DPM1: variants seen among roughly 807,000 people sequenced by gnomAD.
DPM1 encodes dolichyl-phosphate mannosyltransferase subunit 1, catalytic.
In DPM1, 27 loss-of-function variants were observed where a neutral mutation model predicts 39.0. The ratio of observed to expected loss-of-function variants is 0.69; its 90% CI spans 0.51 to 0.95. The LOEUF (loss-of-function observed/expected upper bound fraction) is 0.95, where lower values mean the gene tolerates loss of function less well. Ranked by LOEUF, DPM1 falls within the 40% of genes least tolerant of loss-of-function variation. The pLI, the probability that DPM1 is intolerant of heterozygous loss-of-function variation, is 0.00. For synonymous variants in DPM1, 124 were observed against 109.0 expected (o/e 1.14, Z -0.86); for missense variants, 307 against 315.6 (o/e 0.97, Z 0.21).
rs1488509110 is a variant in DPM1, at chr20:50,958,407, G to A, written c.117C>T (p.Asn39=). The change falls in exon 1 of 9, where the codon AAC becomes AAT. Residue 39 remains asparagine (N), a synonymous_variant. Coordinates refer to ENST00000371588, the MANE Select transcript of DPM1 (RefSeq NM_003859.3). The part of the protein sequence containing the change: ...VLLPTYNERE[N]LPLIVWLLVK... ...CCAGCAGCCACACGATGAGCGGCAG[G>A]TTCTCGCGCTCGTTGTAGGTAGGTA... 4.3e-6 allele frequency: 7 copies of A among 1,613,946 alleles called. No individual in the cohort carries two copies. In the East Asian group the frequency reaches 1.6e-4, roughly 36 times the overall value.
At chr20:50,949,151 G>A (rs918898094) in intron 2 of DPM1, among the ~76,000 whole-genome samples, 6 of 152,120 alleles carry the variant, frequency 3.9e-5, no homozygotes, top group Non-Finnish European at 7.3e-5. Context: ...GAGTCACCGC[G>A]CCCGTCCAGC....
intron 1 of DPM1, among the ~76,000 whole-genome samples, chr20:50,956,673 C>T (rs1458181403): frequency 6.6e-6 from 1 of 152,192 alleles, no homozygotes; most frequent in African/African-American, 2.4e-5. Flanking sequence ...ATCTATTCTC[C>T]AAGAGTAGAA....
rs771147863 is a variant in DPM1 at position 50,936,140 on chromosome 20, T to C, written c.678+8A>G. 33 of 1,590,598 alleles carry C rather than the reference T, an allele frequency of 2.1e-5. No homozygotes were observed. The highest frequency in any genetic ancestry group is 2.0e-4 in the East Asian group (9 of 44,718). ...AACATGACACACTATTTAGCATCAG[T>C]TGCATACCTCGCCAATAGTATAATT... On this transcript the variant is annotated splice_region_variant and intron_variant, in intron 8 of 8. Transcript: ENST00000371588.
At chr20:50,951,415 T>G (rs1237328275) in intron 2 of DPM1, among the ~76,000 whole-genome samples, 1 of 152,188 alleles carries the variant, frequency 6.6e-6, no homozygotes. Context: ...CAAATGCACA[T>G]ACACACATAT....
intron 2 of DPM1, among the ~76,000 whole-genome samples, chr20:50,952,876 A>AG (rs1340925018): frequency 6.6e-6 from 1 of 152,238 alleles, no homozygotes; most frequent in Non-Finnish European, 1.5e-5. Flanking sequence ...TCTACCACAC[A>AG]GCACGGTGAC....
upstream of DPM1, chr20:50,958,542 G>A (rs538785307): frequency 5.0e-6 from 8 of 1,613,074 alleles, no homozygotes; most frequent in Admixed American, 3.3e-5. Context: ...TGAGCCAGAT[G>A]CCGGAAGCGG....
chr20:50,957,603 C>T (rs1176780095), intron 1 of DPM1, among the ~76,000 whole-genome samples: 2 of 152,150 alleles, frequency 1.3e-5, no homozygotes, highest in Non-Finnish European at 2.9e-5. Context: ...ATTGCCATGA[C>T]CTGATTAAAT....
chr20:50,953,236 C>T (rs1197796591), intron 2 of DPM1, among the ~76,000 whole-genome samples: 2 of 152,060 alleles, frequency 1.3e-5, no homozygotes, highest in South Asian at 4.2e-4. Flanking sequence ...AGTAAGTGCC[C>T]CCAATTTCTC....
rs1447659379 is a variant in DPM1 at position 50,935,185 on chromosome 20, T to C, written c.730A>G (p.Asn244Asp). Residue 244 changes from asparagine (N) to aspartate (D), a missense_variant, in exon 9 of 9, where the codon AAT (asparagine) becomes GAT (aspartate). Coordinates refer to ENST00000371588, the MANE Select transcript of DPM1 (RefSeq NM_003859.3). ...CCTTTCAAGAAAGATACTATTTCAT[T>C]TCCTCCCAACTTGGATTCACCATAA... is the stretch of plus-strand genomic sequence containing the variant. ...RVYGESKLGGNEIVSFLKGLL... is the reference protein window; with the variant it reads ...RVYGESKLGGDEIVSFLKGLL... 1 of 1,611,338 alleles carries C rather than the reference T, an allele frequency of 6.2e-7. No individual in the cohort carries two copies. Among genetic ancestry groups the C allele is most frequent in the Non-Finnish European group, 8.5e-7 (1 of 1,177,844 alleles).
chr20:50,943,666 C>A (rs753327285), intron 5 of DPM1, among the ~76,000 whole-genome samples: 1 of 148,614 alleles, frequency 6.7e-6, no homozygotes, highest in Non-Finnish European at 1.5e-5. Context: ...CCACAATAAA[C>A]GTTTTTATAA....
At chr20:50,940,969 T>TA in intron 6 of DPM1, 36 bp from the exon 7 acceptor site, 1 of 1,597,264 alleles carries the variant, frequency 6.3e-7, no homozygotes, top group Non-Finnish European at 8.6e-7. Flanking sequence ...CTTTACAAAA[T>TA]ACAATTTATA....
In DPM1 at chr20:50,945,882, A is replaced by T. The variant is rs2123115865; in HGVS notation, c.337T>A (p.Tyr113Asn). Residue 113 changes from tyrosine to asparagine, a missense_variant, in exon 4 of 9, where the codon TAC (tyrosine) becomes AAC (asparagine). Physicochemically the swap from Tyr to Asn is moderately radical, Grantham distance 143. Coordinates refer to ENST00000371588, the MANE Select transcript of DPM1 (RefSeq NM_003859.3). ...AGATCAGCATCCATAATAATGATGT[A>T]GTTTCCTGTGGCATGTTTCATTCCA... ...IHGMKHATGN[Y>N]IIIMDADLSH... 1 of 1,613,672 alleles carries T rather than the reference A, an allele frequency of 6.2e-7. No individual in the cohort carries two copies.
intron 5 of DPM1, among the ~76,000 whole-genome samples, chr20:50,943,392 GCT>G (rs1436757830): frequency 2.0e-5 from 3 of 151,160 alleles, no homozygotes; most frequent in African/African-American, 4.9e-5. Context: ...ATGGAGTCTC[GCT>G]CTGTTGCCAG....
At chr20:50,944,769 T>A (rs942089103) in intron 5 of DPM1, 1 of 152,246 alleles carries the variant, frequency 6.6e-6, no homozygotes, top group South Asian at 2.1e-4. Context: ...AGAATTTAAT[T>A]ATATTGCCTA....
At chr20:50,946,094 T>C (rs995049738) in intron 3 of DPM1, among the ~76,000 whole-genome samples, 171 bp from the exon 4 acceptor site, 12 of 152,220 alleles carry the variant, frequency 7.9e-5, no homozygotes, top group African/African-American at 2.4e-4. Flanking sequence ...ATATTACATA[T>C]ATAATCAAGA....
chr20:50,945,612 T>G, intron 5 of DPM1, 125 bp downstream of exon 5: 1 of 997,160 alleles, frequency 1.0e-6, no homozygotes, highest in Non-Finnish European at 1.5e-6. Context: ...CCAAACTTTG[T>G]TTATATTTTT....
intron 1 of DPM1, 125 bp downstream of exon 1, chr20:50,958,238 C>T: frequency 7.6e-7 from 1 of 1,310,368 alleles, no homozygotes; most frequent in Non-Finnish European, 1.1e-6. Flanking sequence ...GTGGCCCTCT[C>T]CCCGGGCCTT....
At position 50,943,238 on chromosome 20, in the gene DPM1, C is replaced by T. The variant is rs77044717; in HGVS notation, c.399-1112G>A. On this transcript the variant is annotated intron_variant, in intron 5 of 8. Coordinates refer to ENST00000371588, the MANE Select transcript of DPM1 (RefSeq NM_003859.3). ...CCTACAGGTCAAGAGAGCTCTTTCC[C>T]ATTCTTTTTAATAATTGCAAAACTA... 1.2e-3 allele frequency among the ~76,000 whole-genome samples: 176 copies of T among 152,312 alleles called. 1 individual carries two copies. The highest frequency in any genetic ancestry group is 3.9e-3 in the African/African-American group (161 of 41,568).
intron 2 of DPM1, among the ~76,000 whole-genome samples, chr20:50,953,036 AT>A (rs1370221538): frequency 1.3e-5 from 2 of 152,258 alleles, no homozygotes; most frequent in East Asian, 3.8e-4. Flanking sequence ...TTAAATATAT[AT>A]AACTTTGTCA....
Sources: allele counts gnomAD v4.1 joint callset (sites outside exome capture counted in the v4.1 genomes callset), GRCh38; gene constraint gnomAD v4.1.1; transcripts MANE v1.5; gene names NCBI Gene and HGNC (gene_info 2026-07-23, HGNC 2026-07-21).